SCN2A: variants seen among roughly 807,000 people sequenced by gnomAD.
SCN2A encodes the protein sodium voltage-gated channel alpha subunit 2.
Under a neutral mutation model 188.7 loss-of-function variants are expected in SCN2A, and 20 were observed. The ratio of observed to expected loss-of-function variants is 0.11; its 90% CI spans 0.07 to 0.15. The LOEUF is 0.15. SCN2A is among the 10% of genes least tolerant of loss of function. The pLI is 1.00. For synonymous variants in SCN2A, 804 were observed against 833.1 expected, an observed-to-expected ratio of 0.97 and a Z score of 0.60; for missense variants, 1,278 against 2,445.0, an observed-to-expected ratio of 0.52 and a Z score of 10.07.
intron 14 of SCN2A, among the ~76,000 whole-genome samples, chr2:165,340,113 C>G (rs1270387366): frequency 6.6e-6 from 1 of 152,156 alleles, no homozygotes; most frequent in Non-Finnish European, 1.5e-5. Context: ...ACCTCCACTT[C>G]GATCTTATGC....
At chr2:165,260,181 G>T (rs1481493911) in intron 1 of SCN2A, among the ~76,000 whole-genome samples, 4 of 152,018 alleles carry the variant, frequency 2.6e-5, no homozygotes, top group Non-Finnish European at 5.9e-5. Flanking sequence ...CTGACCTCAT[G>T]ATCCGCCTGC....
At chr2:165,284,880 G>A (rs549306701) in intron 1 of SCN2A, among the ~76,000 whole-genome samples, 1 of 152,294 alleles carries the variant, frequency 6.6e-6, no homozygotes, top group African/African-American at 2.4e-5. Context: ...GGTTGAATGA[G>A]TTCTTGGAAG....
intron 14 of SCN2A, among the ~76,000 whole-genome samples, chr2:165,340,251 A>G (rs780506515): frequency 6.6e-6 from 1 of 152,224 alleles, no homozygotes; most frequent in Non-Finnish European, 1.5e-5. Flanking sequence ...AAAACAGACA[A>G]AAAGTGCTAT....
At chr2:165,387,183 C>T (rs1277056381) in intron 26 of SCN2A, among the ~76,000 whole-genome samples, 167 bp downstream of exon 26, 1 of 152,164 alleles carries the variant, frequency 6.6e-6, no homozygotes, top group African/African-American at 2.4e-5. Context: ...TAATTGCATG[C>T]TGTGCTTGAA....
At chr2:165,377,568 A>G (rs1406868486) in intron 22 of SCN2A, 29 bp from the exon 23 acceptor site, 1 of 1,584,130 alleles carries the variant, frequency 6.3e-7, no homozygotes, top group Non-Finnish European at 8.6e-7. Context: ...ATTTTGGGAA[A>G]AAAGAAAATG....
Position 165,297,025 on chromosome 2 carries a change from A to T in SCN2A, c.276A>T (p.Ile92=), listed in dbSNP as rs761549438. 14 of 1,577,754 alleles carry T rather than the reference A, an allele frequency of 8.9e-6. No homozygotes were observed. In the South Asian group the frequency reaches 1.6e-4, roughly 18 times the overall value. The change falls in exon 3 of 27, where the codon ATA becomes ATT. Residue 92 remains isoleucine, a synonymous_variant. Transcript: ENST00000375437. ...TGTGTTTTCTTTTTCAGACGTTTAT[A>T]GTATTGAATAAAGGGAAAGCAATCT... ...DPYYINKKTF[I]VLNKGKAISR...
chr2:165,338,346 G>A (rs1268721307), intron 14 of SCN2A, among the ~76,000 whole-genome samples: 1 of 148,062 alleles, frequency 6.8e-6, no homozygotes, highest in Non-Finnish European at 1.5e-5. Flanking sequence ...TGCAAGCTCC[G>A]CCTCCCCGGT....
chr2:165,347,333 A>C (rs547982923), intron 16 of SCN2A, among the ~76,000 whole-genome samples: 1 of 152,254 alleles, frequency 6.6e-6, no homozygotes, highest in East Asian at 1.9e-4. Context: ...TCGGCAAACT[A>C]ACACAGGAAC....
chr2:165,335,249 A>C (rs542756463), intron 14 of SCN2A, among the ~76,000 whole-genome samples: 2 of 151,750 alleles, frequency 1.3e-5, no homozygotes, highest in Admixed American at 1.3e-4. Context: ...AGAAAGTGAT[A>C]AATTGACTGT....
chr2:165,347,722 G>A (rs575944864), intron 16 of SCN2A, among the ~76,000 whole-genome samples: 1 of 152,138 alleles, frequency 6.6e-6, no homozygotes, highest in South Asian at 2.1e-4. Context: ...ATTAAAAATA[G>A]GAAGTAACTA....
intron 4 of SCN2A, 70 bp from the exon 5 acceptor site, chr2:165,308,596 T>G: frequency 6.4e-7 from 1 of 1,554,132 alleles, no homozygotes; most frequent in South Asian, 1.1e-5. Flanking sequence ...GCTGTTTATG[T>G]CATCTTTAAG....
chr2:165,298,738 G>A (rs1696635865), intron 3 of SCN2A, among the ~76,000 whole-genome samples: 1 of 152,136 alleles, frequency 6.6e-6, no homozygotes, highest in Non-Finnish European at 1.5e-5. Flanking sequence ...AATCTGTGCA[G>A]TGAATAAATC....
intron 14 of SCN2A, among the ~76,000 whole-genome samples, chr2:165,337,338 CTAAA>C (rs1288289141): frequency 6.6e-6 from 1 of 151,708 alleles, no homozygotes. Context: ...ATCAAGTAGT[CTAAA>C]TATTTATATA....
intron 11 of SCN2A, among the ~76,000 whole-genome samples, chr2:165,316,167 C>A (rs905360729): frequency 6.6e-6 from 1 of 152,130 alleles, no homozygotes; most frequent in African/African-American, 2.4e-5. Context: ...GGGGTTGTTC[C>A]CATAAGGTGC....
At chr2:165,263,611 G>T (rs984417748) in intron 1 of SCN2A, among the ~76,000 whole-genome samples, 5 of 151,922 alleles carry the variant, frequency 3.3e-5, no homozygotes, top group African/African-American at 1.2e-4. Context: ...CTGCTGTTTT[G>T]GTGACTATAG....
At chr2:165,271,787 A>G (rs1695116081) in intron 1 of SCN2A, 1 of 152,024 alleles carries the variant, frequency 6.6e-6, no homozygotes, top group African/African-American at 2.4e-5. Flanking sequence ...TACCAGTTCA[A>G]AAACTTCACA....
chr2:165,252,001 A>C (rs1355934333), intron 1 of SCN2A, among the ~76,000 whole-genome samples: 1 of 152,104 alleles, frequency 6.6e-6, no homozygotes, highest in East Asian at 1.9e-4. Flanking sequence ...TATAGCTAAA[A>C]ACTAAGACAA....
chr2:165,247,899 A>G (rs1018638821), intron 1 of SCN2A, among the ~76,000 whole-genome samples: 3 of 152,212 alleles, frequency 2.0e-5, no homozygotes, highest in African/African-American at 7.2e-5. Context: ...ACCTGCTCCA[A>G]TCCTCGCTTT....
At chr2:165,361,863 A>AC (rs2105350023) in intron 17 of SCN2A, among the ~76,000 whole-genome samples, 1 of 152,170 alleles carries the variant, frequency 6.6e-6, no homozygotes, top group African/African-American at 2.4e-5. Context: ...AGGTCCGAAT[A>AC]ATTGGCAGAC....
Sources: allele counts gnomAD v4.1 joint callset (sites outside exome capture counted in the v4.1 genomes callset), GRCh38; gene constraint gnomAD v4.1.1; transcripts MANE v1.5; gene names NCBI Gene and HGNC (gene_info 2026-07-23, HGNC 2026-07-21).